The following LRMDA variants were observed in gnomAD, a reference collection of about 807,000 sequenced individuals.
LRMDA encodes the protein leucine rich melanocyte differentiation associated.
In LRMDA, 18 loss-of-function variants were observed where a neutral mutation model predicts 29.8. That is an observed-to-expected ratio of 0.60 (90% CI 0.42 to 0.90). The LOEUF (loss-of-function observed/expected upper bound fraction) is 0.90. Among genes scored for constraint, LRMDA ranks in the 40% least tolerant of loss-of-function variants. The pLI is 0.00. For missense variants in LRMDA, 273 were observed against 273.9 expected (o/e 1.00, Z 0.02); for synonymous variants, 125 against 109.4 (o/e 1.14, Z -0.89).
chr10:76,097,045 C>CT (rs1362976651), intron 5 of LRMDA, among the ~76,000 whole-genome samples: 1 of 151,522 alleles, frequency 6.6e-6, no homozygotes, highest in African/African-American at 2.4e-5. Flanking sequence ...GAGTCTTGCT[C>CT]TGTCGGCCAG....
chr10:75,600,979 T>C (rs1342276230), intron 2 of LRMDA, among the ~76,000 whole-genome samples: 4 of 152,234 alleles, frequency 2.6e-5, no homozygotes, highest in African/African-American at 9.6e-5. Context: ...CCAAGGCTGC[T>C]TTCCCTCTTT....
chr10:75,974,028 G>A (rs140288608), intron 2 of LRMDA, among the ~76,000 whole-genome samples: 612 of 152,246 alleles, frequency 4.0e-3, no homozygotes, highest in African/African-American at 0.014. Context: ...CCCAGTAGTC[G>A]TCTTATAGAT....
At chr10:75,471,834 T>A (rs1279247892) in intron 2 of LRMDA, among the ~76,000 whole-genome samples, 1 of 145,652 alleles carries the variant, frequency 6.9e-6, no homozygotes, top group African/African-American at 2.7e-5. Context: ...GCTGGCCTGG[T>A]GCAGATGTAG....
intron 2 of LRMDA, among the ~76,000 whole-genome samples, chr10:75,690,736 T>C (rs1428022830): frequency 6.6e-6 from 1 of 151,604 alleles, no homozygotes; most frequent in Non-Finnish European, 1.5e-5. Context: ...GGAGGGAGGA[T>C]CGCTTAGGGT....
intron 2 of LRMDA, among the ~76,000 whole-genome samples, chr10:75,714,504 C>G (rs1439792129): frequency 6.6e-6 from 1 of 152,188 alleles, no homozygotes; most frequent in South Asian, 2.1e-4. Context: ...ATTAAGTTTA[C>G]TAAAGCTGGC....
intron 5 of LRMDA, among the ~76,000 whole-genome samples, chr10:76,079,224 C>T (rs1172067909): frequency 6.6e-6 from 1 of 152,176 alleles, no homozygotes; most frequent in Non-Finnish European, 1.5e-5. Context: ...CCTTATAGTA[C>T]TCTTATTCCC....
At chr10:75,447,575 C>T (rs1405329260) in intron 2 of LRMDA, among the ~76,000 whole-genome samples, 1 of 152,098 alleles carries the variant, frequency 6.6e-6, no homozygotes, top group Admixed American at 6.5e-5. Context: ...TCTTTACTTG[C>T]ACTTTCTGGA....
intron 2 of LRMDA, among the ~76,000 whole-genome samples, chr10:75,852,380 A>G (rs950068691): frequency 1.3e-5 from 2 of 152,166 alleles, no homozygotes; most frequent in Non-Finnish European, 2.9e-5. Flanking sequence ...TTAGGAGCCT[A>G]TTTTGCAACA....
chr10:76,397,907 A>G (rs1445507626), intron 6 of LRMDA, among the ~76,000 whole-genome samples: 1 of 152,220 alleles, frequency 6.6e-6, no homozygotes, highest in Non-Finnish European at 1.5e-5. Context: ...GAAAAGTATT[A>G]CCAAAAAATA....
chr10:75,616,231 T>TAGCAGCAGCAGCAGC (rs1332339686), intron 2 of LRMDA, among the ~76,000 whole-genome samples: 1 of 146,742 alleles, frequency 6.8e-6, no homozygotes, highest in African/African-American at 2.7e-5. Flanking sequence ...AGAACAGTAA[T>TAGCAGCAGCAGCAGC]AGTAGCAGTA....
chr10:75,445,810 A>G (rs1564772969), intron 2 of LRMDA, among the ~76,000 whole-genome samples: 1 of 152,264 alleles, frequency 6.6e-6, no homozygotes. Flanking sequence ...TAAAAGCGAG[A>G]GGGTTTAATT....
intron 5 of LRMDA, among the ~76,000 whole-genome samples, chr10:76,094,092 TA>T (rs1231573804): frequency 1.3e-5 from 2 of 152,162 alleles, no homozygotes; most frequent in Non-Finnish European, 2.9e-5. Context: ...CTGTTCAGAA[TA>T]GGTGGTCCAG....
intron 5 of LRMDA, among the ~76,000 whole-genome samples, chr10:76,093,918 T>C (rs964177716): frequency 2.6e-5 from 4 of 152,156 alleles, no homozygotes; most frequent in Non-Finnish European, 5.9e-5. Flanking sequence ...TGAGTTTCCT[T>C]CTCCCATAGA....
intron 2 of LRMDA, among the ~76,000 whole-genome samples, chr10:75,616,249 TAGCAGCAGCAGC>T (rs58265820): frequency 3.0e-4 from 45 of 150,416 alleles, no homozygotes; most frequent in African/African-American, 7.7e-4. Context: ...GTAGCAGCAG[TAGCAGCAGCAGC>T]AGCAGCAGCA....
intron 5 of LRMDA, among the ~76,000 whole-genome samples, chr10:76,158,631 A>AT (rs1206142783): frequency 1.3e-5 from 2 of 152,220 alleles, no homozygotes; most frequent in East Asian, 3.8e-4. Flanking sequence ...CAACCATTAG[A>AT]TTTTAAAAAT....
intron 2 of LRMDA, among the ~76,000 whole-genome samples, chr10:75,795,797 T>G (rs1843642454): frequency 6.6e-6 from 1 of 152,136 alleles, no homozygotes; most frequent in Admixed American, 6.5e-5. Flanking sequence ...GCCTGTGGGG[T>G]TTTGATTGGG....
intron 2 of LRMDA, among the ~76,000 whole-genome samples, chr10:75,968,430 A>G (rs1043750090): frequency 1.3e-5 from 2 of 152,250 alleles, no homozygotes; most frequent in African/African-American, 4.8e-5. Context: ...TTCTCTCTAA[A>G]GCTTCAGTCA....
chr10:76,103,776 C>T (rs1176122707), intron 5 of LRMDA, among the ~76,000 whole-genome samples: 2 of 152,168 alleles, frequency 1.3e-5, no homozygotes, highest in East Asian at 1.9e-4. Context: ...TCCGGCCAGA[C>T]ATAGTGGCTC....
chr10:76,352,951 A>G (rs1057291200), intron 6 of LRMDA, among the ~76,000 whole-genome samples: 3 of 152,060 alleles, frequency 2.0e-5, no homozygotes, highest in African/African-American at 7.2e-5. Context: ...TTTGCCCCAA[A>G]TGAAGCAGCT....
Sources: allele counts gnomAD v4.1 joint callset (sites outside exome capture counted in the v4.1 genomes callset), GRCh38; gene constraint gnomAD v4.1.1; transcripts MANE v1.5; gene names NCBI Gene and HGNC (gene_info 2026-07-23, HGNC 2026-07-21).